The following SOX6 variants were observed in gnomAD, a reference collection of about 807,000 sequenced individuals.
The protein encoded by SOX6 is SRY-box transcription factor 6.
In SOX6, 11 loss-of-function variants were observed where a neutral mutation model predicts 97.8. The ratio of observed to expected loss-of-function variants is 0.11; its 90% confidence interval spans 0.07 to 0.19. SOX6 has a LOEUF of 0.19. Among genes scored for constraint, SOX6 ranks in the 10% least tolerant of loss-of-function variants. SOX6 has a pLI of 1.00. For synonymous variants in SOX6, 360 were observed against 371.4 expected (o/e 0.97, Z 0.35); for missense variants, 810 against 1,039.5 (o/e 0.78, Z 3.04).
At position 16,609,080 on chromosome 11, in the gene SOX6, A is replaced by G. The variant is rs114903075; in HGVS notation, n.609+3001T>C. 7.4e-3 allele frequency among the ~76,000 whole-genome samples: 1,124 copies of G among 152,330 alleles called. 14 individuals are homozygous for G. The highest frequency in any genetic ancestry group is 0.024 in the African/African-American group (1,017 of 41,562). On this transcript the variant is annotated intron_variant and non_coding_transcript_variant, in intron 4 of 5. Coordinates refer to the SOX6 transcript ENST00000524520. The stretch of plus-strand genomic sequence containing the variant: ...GACATAGAATGTCATAAAGAAGTAG[A>G]CACCTGAAACTTAATCTCAGTGCAA...
intron 1 of SOX6, among the ~76,000 whole-genome samples, chr11:16,445,619 G>C (rs746114218): frequency 1.3e-5 from 2 of 151,930 alleles, no homozygotes; most frequent in Non-Finnish European, 2.9e-5. Context: ...GCATATTTTT[G>C]TGCAATACTT....
intron 4 of SOX6, chr11:16,577,180 T>C (rs1158621108): frequency 2.0e-5 from 3 of 152,208 alleles, no homozygotes; most frequent in Non-Finnish European, 4.4e-5. Flanking sequence ...GTTTTAAAAA[T>C]GGAACCTCAC....
chr11:16,216,164 T>G (rs1052594912), intron 4 of SOX6, among the ~76,000 whole-genome samples: 1 of 152,216 alleles, frequency 6.6e-6, no homozygotes. Context: ...AAAATCACTG[T>G]GATACAAAGT....
intron 1 of SOX6, among the ~76,000 whole-genome samples, chr11:16,369,909 T>A (rs1209511567): frequency 6.6e-6 from 1 of 152,150 alleles, no homozygotes; most frequent in Admixed American, 6.6e-5. Flanking sequence ...CTCTAACTAC[T>A]GTCCATCATC....
At chr11:16,573,797 T>C (rs1847959250) in intron 4 of SOX6, among the ~76,000 whole-genome samples, 1 of 152,242 alleles carries the variant, frequency 6.6e-6, no homozygotes, top group Admixed American at 6.5e-5. Flanking sequence ...AAATGTCTTT[T>C]AGTGTTACCT....
intron 3 of SOX6, among the ~76,000 whole-genome samples, chr11:16,275,927 T>C (rs1854387072): frequency 6.6e-6 from 1 of 152,208 alleles, no homozygotes; most frequent in Non-Finnish European, 1.5e-5. Context: ...TTTCTTCTCT[T>C]TTTACCTATA....
chr11:16,608,180 C>T (rs2133981027), intron 4 of SOX6, among the ~76,000 whole-genome samples: 1 of 151,588 alleles, frequency 6.6e-6, no homozygotes, highest in East Asian at 1.9e-4. Flanking sequence ...AGGAGAAAGG[C>T]AAACTGTAGC....
chr11:16,064,853 G>C (rs1848054540), intron 9 of SOX6, among the ~76,000 whole-genome samples: 1 of 151,870 alleles, frequency 6.6e-6, no homozygotes, highest in Non-Finnish European at 1.5e-5. Flanking sequence ...ACTGGGGATA[G>C]AAGGAATATG....
At chr11:16,344,426 C>A (rs1369240110) in intron 1 of SOX6, among the ~76,000 whole-genome samples, 2 of 151,898 alleles carry the variant, frequency 1.3e-5, no homozygotes. Context: ...ATTTCTTTAG[C>A]TTTCCCCTTT....
chr11:16,399,838 C>T (rs2134440304), intron 1 of SOX6, among the ~76,000 whole-genome samples: 1 of 151,434 alleles, frequency 6.6e-6, no homozygotes, highest in Admixed American at 6.6e-5. Context: ...TGACTTTATC[C>T]AACATTGCCC....
At chr11:16,148,448 C>T (rs370607992) in intron 6 of SOX6, among the ~76,000 whole-genome samples, 4 of 152,170 alleles carry the variant, frequency 2.6e-5, no homozygotes, top group East Asian at 1.9e-4. Flanking sequence ...CTTTAAAACA[C>T]GCTCAAATGT....
At chr11:16,147,679 C>A (rs934982220) in intron 6 of SOX6, among the ~76,000 whole-genome samples, 2 of 152,202 alleles carry the variant, frequency 1.3e-5, no homozygotes, top group South Asian at 4.1e-4. Flanking sequence ...TAAATGAACA[C>A]CGAAATTTCC....
chr11:16,285,945 A>G (rs1280647178), intron 3 of SOX6, among the ~76,000 whole-genome samples: 1 of 152,190 alleles, frequency 6.6e-6, no homozygotes, highest in Non-Finnish European at 1.5e-5. Flanking sequence ...TCCCAAGAGA[A>G]TACATATTTG....
At chr11:16,737,745 T>C (rs1056541028) in intron 1 of SOX6, among the ~76,000 whole-genome samples, 3 of 152,002 alleles carry the variant, frequency 2.0e-5, no homozygotes, top group African/African-American at 4.8e-5. Flanking sequence ...TGGGGAGGGA[T>C]TGCTAACGGG....
chr11:16,133,142 T>C (rs1261520792), intron 6 of SOX6, among the ~76,000 whole-genome samples: 1 of 152,188 alleles, frequency 6.6e-6, no homozygotes, highest in African/African-American at 2.4e-5. Flanking sequence ...TAGTGGACAT[T>C]ATCCAGTGAA....
At chr11:16,217,768 G>A (rs755817500) in intron 4 of SOX6, among the ~76,000 whole-genome samples, 20 of 152,044 alleles carry the variant, frequency 1.3e-4, no homozygotes, top group Non-Finnish European at 2.5e-4. Context: ...TAATTCTTGT[G>A]GCTTGAACCC....
At chr11:16,281,597 A>G (rs992596389) in intron 3 of SOX6, among the ~76,000 whole-genome samples, 41 of 152,094 alleles carry the variant, frequency 2.7e-4, no homozygotes, top group Non-Finnish European at 1.0e-4. Context: ...TTAGTAATCA[A>G]TAACATACGT....
intron 4 of SOX6, among the ~76,000 whole-genome samples, chr11:16,200,804 T>C (rs1056875224): frequency 1.3e-4 from 20 of 152,164 alleles, no homozygotes; most frequent in Admixed American, 5.2e-4. Context: ...AGACATATAG[T>C]AGGTCTTAAA....
intron 13 of SOX6, among the ~76,000 whole-genome samples, chr11:15,993,448 A>C (rs941730319): frequency 7.8e-6 from 1 of 128,928 alleles, no homozygotes; most frequent in Admixed American, 8.8e-5. Flanking sequence ...ATGATTTTTC[A>C]TGGAAAGCAG....
Sources: allele counts gnomAD v4.1 joint callset (sites outside exome capture counted in the v4.1 genomes callset), GRCh38; gene constraint gnomAD v4.1.1; transcripts MANE v1.5; gene names NCBI Gene and HGNC (gene_info 2026-07-23, HGNC 2026-07-21).